Variants in CCDC171 observed in about 807,000 individuals in gnomAD.
CCDC171 encodes the protein coiled-coil domain containing 171.
A neutral mutation model predicts 168.2 loss-of-function variants in CCDC171; 177 were observed. The observed-to-expected ratio is 1.05, with a 90% CI of 0.93 to 1.19. CCDC171 has a LOEUF of 1.19. Ranked by LOEUF, CCDC171 falls within the 50% of genes most tolerant of loss-of-function variation. CCDC171 has a pLI of 0.00. For synonymous variants in CCDC171, 687 were observed against 540.8 expected (o/e 1.27, Z -3.75); for missense variants, 1,991 against 1,539.0 (o/e 1.29, Z -4.91).
chr9:16,039,863 G>T (rs557046723), upstream of CCDC171, among the ~76,000 whole-genome samples: 1 of 152,198 alleles, frequency 6.6e-6, no homozygotes, highest in East Asian at 1.9e-4. Context: ...TGTGTGTAAT[G>T]GGGTGGGGGG....
At chr9:15,620,727 C>G (rs2044435605) in intron 6 of CCDC171, among the ~76,000 whole-genome samples, 1 of 152,198 alleles carries the variant, frequency 6.6e-6, no homozygotes, top group Non-Finnish European at 1.5e-5. Flanking sequence ...TGCTATCAAG[C>G]AGCATTGCAT....
intron 2 of CCDC171, among the ~76,000 whole-genome samples, chr9:15,567,820 A>AT (rs556136383): frequency 1.3e-5 from 2 of 151,466 alleles, no homozygotes; most frequent in African/African-American, 4.9e-5. Flanking sequence ...TGGCTGGCCA[A>AT]TTTTTTTTAT....
At chr9:15,779,984 C>G (rs2057575065) in intron 20 of CCDC171, among the ~76,000 whole-genome samples, 1 of 152,166 alleles carries the variant, frequency 6.6e-6, no homozygotes, top group South Asian at 2.1e-4. Flanking sequence ...CAAGACTGTA[C>G]AACTTAAAAC....
At chr9:15,855,878 C>A (rs909490518) in intron 23 of CCDC171, among the ~76,000 whole-genome samples, 1 of 151,830 alleles carries the variant, frequency 6.6e-6, no homozygotes, top group Admixed American at 6.6e-5. Flanking sequence ...ATATTGTGTG[C>A]CCGTCAACAT....
intron 3 of CCDC171, among the ~76,000 whole-genome samples, chr9:15,979,074 CT>C (rs1564097935): frequency 6.6e-6 from 1 of 151,998 alleles, no homozygotes; most frequent in African/African-American, 2.4e-5. Context: ...TACTTCATTC[CT>C]TTTCAAGTGG....
intron 7 of CCDC171, among the ~76,000 whole-genome samples, chr9:15,629,582 A>T (rs992961299): frequency 6.6e-6 from 1 of 152,224 alleles, no homozygotes; most frequent in Non-Finnish European, 1.5e-5. Context: ...GGGAGAATGG[A>T]ACCAAGTTGG....
intron 9 of CCDC171, 95 bp from the exon 10 acceptor site, chr9:15,678,663 G>T (rs762694947): frequency 2.1e-6 from 2 of 965,664 alleles, no homozygotes; most frequent in Non-Finnish European, 3.0e-6. Context: ...ATGAACACAT[G>T]ATATGTAGTA....
intron 9 of CCDC171, among the ~76,000 whole-genome samples, chr9:15,675,151 AAGTCTGTTTTATCAG>A (rs2049431225): frequency 2.0e-5 from 3 of 149,500 alleles, no homozygotes; most frequent in Non-Finnish European, 1.5e-5. Context: ...TGTCAGTTTA[AAGTCTGTTTTATCAG>A]AGACTAGGAT....
intron 11 of CCDC171, among the ~76,000 whole-genome samples, chr9:15,709,856 A>G (rs572569138): frequency 5.9e-5 from 9 of 152,050 alleles, no homozygotes; most frequent in Non-Finnish European, 1.3e-4. Context: ...TTTATGAAAA[A>G]TTTCAAATAT....
In CCDC171 at chr9:15,744,449, T is replaced by C. The variant is rs1321888725; in HGVS notation, c.2226T>C (p.Tyr742=). ...ALMAGALYPL[Y]SRSCALSTQR... ...TGGCTGGTGCCTTATATCCCCTCTA[T>C]AGCCGATCATGCGCCTTGTCTACAC... is the stretch of plus-strand genomic sequence containing the variant. The change falls in exon 17 of 26, where the codon TAT becomes TAC. Residue 742 remains tyrosine (Y), a synonymous_variant. Coordinates refer to ENST00000380701, the MANE Select transcript of CCDC171 (RefSeq NM_173550.4). The C allele has an allele frequency of 6.2e-7, 1 of 1,614,048 alleles. No homozygotes were observed. The highest frequency in any genetic ancestry group is 8.5e-7 in the Non-Finnish European group (1 of 1,179,998).
intron 21 of CCDC171, among the ~76,000 whole-genome samples, chr9:15,806,717 G>A (rs377388641): frequency 1.3e-5 from 2 of 152,036 alleles, no homozygotes; most frequent in East Asian, 1.9e-4. Context: ...ATGCTCTTGT[G>A]TAGAATCTTG....
At chr9:15,611,348 C>G (rs532817222) in intron 6 of CCDC171, among the ~76,000 whole-genome samples, 2 of 152,144 alleles carry the variant, frequency 1.3e-5, no homozygotes, top group African/African-American at 4.8e-5. Context: ...AGAACCTTTC[C>G]GCAAATGTCC....
At chr9:15,653,655 C>T (rs985091919) in intron 7 of CCDC171, among the ~76,000 whole-genome samples, 2 of 152,286 alleles carry the variant, frequency 1.3e-5, no homozygotes, top group African/African-American at 4.8e-5. Context: ...CACTAACCCC[C>T]ACCCCTAACT....
intron 24 of CCDC171, among the ~76,000 whole-genome samples, chr9:15,900,943 AC>A (rs1821553269): frequency 6.6e-6 from 1 of 152,124 alleles, no homozygotes; most frequent in Non-Finnish European, 1.5e-5. Context: ...ACAGTTAGTC[AC>A]CTGATGCCAC....
chr9:15,994,633 C>T (rs1419865711), intron 3 of CCDC171, among the ~76,000 whole-genome samples: 1 of 152,142 alleles, frequency 6.6e-6, no homozygotes, highest in African/African-American at 2.4e-5. Flanking sequence ...ATTTCTTGTT[C>T]TGTTAAGAAT....
intron 6 of CCDC171, among the ~76,000 whole-genome samples, chr9:16,033,346 C>G (rs1046658746): frequency 6.6e-6 from 1 of 152,214 alleles, no homozygotes; most frequent in Non-Finnish European, 1.5e-5. Flanking sequence ...TCTGTACTTA[C>G]AGCCACTCTC....
At chr9:15,610,462 A>AAAAAAAAAAAAAAAAC (rs2043584179) in intron 6 of CCDC171, among the ~76,000 whole-genome samples, 1 of 137,756 alleles carries the variant, frequency 7.3e-6, no homozygotes, top group Non-Finnish European at 1.6e-5. Flanking sequence ...AAAAAAAAAA[A>AAAAAAAAAAAAAAAAC]AAAAAAAAAA....
the CCDC171 span, among the ~76,000 whole-genome samples, chr9:16,093,882 T>C: frequency 6.6e-6 from 1 of 152,170 alleles, no homozygotes; most frequent in Non-Finnish European, 1.5e-5. Flanking sequence ...ATATAGGAAA[T>C]ATAATAGATA....
At chr9:16,030,480 C>T (rs1833348380) in intron 6 of CCDC171, among the ~76,000 whole-genome samples, 1 of 152,110 alleles carries the variant, frequency 6.6e-6, no homozygotes, top group Non-Finnish European at 1.5e-5. Flanking sequence ...TAGGTGTGTA[C>T]TGTTCAATTT....
Sources: allele counts gnomAD v4.1 joint callset (sites outside exome capture counted in the v4.1 genomes callset), GRCh38; gene constraint gnomAD v4.1.1; transcripts MANE v1.5; gene names NCBI Gene and HGNC (gene_info 2026-07-23, HGNC 2026-07-21).